Variants in SORCS1 observed in about 807,000 individuals in gnomAD.
SORCS1 encodes the protein VPS10 domain-containing receptor SorCS1.
SORCS1 carries 60 observed loss-of-function variants against 146.1 expected under a neutral mutation model. That is an observed-to-expected ratio of 0.41 (90% CI 0.33 to 0.51). SORCS1 has a LOEUF of 0.51. Ranked by LOEUF, SORCS1 falls within the 20% of genes least tolerant of loss-of-function variation. The pLI, the probability that SORCS1 is intolerant of heterozygous loss-of-function variation, is 0.21. For missense variants in SORCS1, 1,352 were observed against 1,487.6 expected, an observed-to-expected ratio of 0.91 and a Z score of 1.50; for synonymous variants, 637 against 584.0, an observed-to-expected ratio of 1.09 and a Z score of -1.31.
At chr10:106,893,633 A>G (rs976996650) in intron 2 of SORCS1, among the ~76,000 whole-genome samples, 1 of 152,234 alleles carries the variant, frequency 6.6e-6, no homozygotes, top group Non-Finnish European at 1.5e-5. Context: ...GTTGCATGCA[A>G]AAATTATTAG....
chr10:106,648,040 T>A (rs1403622260), intron 18 of SORCS1, among the ~76,000 whole-genome samples: 1 of 151,998 alleles, frequency 6.6e-6, no homozygotes, highest in African/African-American at 2.4e-5. Flanking sequence ...GCTATTTTTT[T>A]TAATTATTTT....
Position 106,604,783 on chromosome 10 carries a change from A to AT in SORCS1, c.3165+2382dup, listed in dbSNP as rs568411000. ...CAGTCTATTTAATAGGCCTAAACTC[A>AT]TTTTTTTCATTTTCCACATCTCTTC... is the stretch of plus-strand genomic sequence containing the variant. On this transcript the variant is annotated intron_variant, in intron 23 of 25. Transcript: ENST00000263054. Among the ~76,000 whole-genome samples, 13 of 151,982 alleles carry AT rather than the reference A, an allele frequency of 8.6e-5. No individual in the cohort carries two copies. In the East Asian group the frequency reaches 9.7e-4, roughly 11 times the overall value.
rs1231348280 is a variant in SORCS1, at chr10:106,986,996, T to A, written c.559-30416A>T. Among the ~76,000 whole-genome samples, 7 of 152,214 alleles carry A rather than the reference T, an allele frequency of 4.6e-5. No individual in the cohort carries two copies. The East Asian group carries it at 1.3e-3, about 29-fold the overall frequency. On this transcript the variant is annotated intron_variant, in intron 1 of 25. Transcript: ENST00000263054. ...CTTTTTTCCTTGACAATGGGTAACA[T>A]TTTCCACTTTCTCTGTATGACTAGT... is the stretch of plus-strand genomic sequence containing the variant.
chr10:106,914,464 C>A (rs781584868), intron 2 of SORCS1, among the ~76,000 whole-genome samples: 3 of 152,070 alleles, frequency 2.0e-5, no homozygotes, highest in East Asian at 1.9e-4. Flanking sequence ...ACACAATGTG[C>A]CAGGCAGTAA....
intron 19 of SORCS1, among the ~76,000 whole-genome samples, chr10:106,622,467 T>C (rs1283167432): frequency 6.6e-6 from 1 of 152,140 alleles, no homozygotes; most frequent in Non-Finnish European, 1.5e-5. Flanking sequence ...TAAGACATTA[T>C]AGATGCTCAA....
intron 19 of SORCS1, among the ~76,000 whole-genome samples, chr10:106,626,236 A>G (rs1408767002): frequency 1.3e-5 from 2 of 152,150 alleles, no homozygotes; most frequent in Admixed American, 1.3e-4. Flanking sequence ...AGGCTTGGTG[A>G]GCTAAGAGTT....
chr10:107,161,010 C>A (rs1448902450), intron 1 of SORCS1, among the ~76,000 whole-genome samples: 1 of 152,080 alleles, frequency 6.6e-6, no homozygotes, highest in African/African-American at 2.4e-5. Flanking sequence ...GCCAGAAGAT[C>A]CCCCCAGGTG....
At chr10:106,882,165 G>A (rs1950825445) in intron 2 of SORCS1, among the ~76,000 whole-genome samples, 1 of 152,102 alleles carries the variant, frequency 6.6e-6, no homozygotes, top group South Asian at 2.1e-4. Flanking sequence ...TTGGGAATAT[G>A]GTCTACCAGA....
intron 2 of SORCS1, among the ~76,000 whole-genome samples, chr10:106,843,515 T>G (rs976716965): frequency 1.8e-4 from 25 of 140,104 alleles, no homozygotes; most frequent in Admixed American, 4.8e-4. Context: ...CACTGCAAGC[T>G]CCGCCCCCCA....
chr10:106,661,728 A>G (rs1850742993), intron 17 of SORCS1, among the ~76,000 whole-genome samples: 1 of 152,248 alleles, frequency 6.6e-6, no homozygotes, highest in Non-Finnish European at 1.5e-5. Context: ...CTTACTAAAC[A>G]TAACAGTAAA....
chr10:106,620,173 C>T, intron 20 of SORCS1: 1 of 364,918 alleles, frequency 2.7e-6, no homozygotes, highest in Non-Finnish European at 4.9e-6. Context: ...AGAGTCACTA[C>T]AAAGACAAGT....
chr10:106,750,824 C>T (rs1858137557), intron 5 of SORCS1, among the ~76,000 whole-genome samples: 1 of 144,918 alleles, frequency 6.9e-6, no homozygotes, highest in Non-Finnish European at 1.5e-5. Context: ...CTTTGGGAGG[C>T]CGAGGCGGGC....
chr10:106,638,198 G>A (rs965454798), intron 18 of SORCS1, among the ~76,000 whole-genome samples: 3 of 152,164 alleles, frequency 2.0e-5, no homozygotes, highest in African/African-American at 7.2e-5. Context: ...GCTGCCAAAT[G>A]ACATAAATCT....
At chr10:106,674,152 T>A (rs1280716118) in intron 14 of SORCS1, among the ~76,000 whole-genome samples, 3 of 126,400 alleles carry the variant, frequency 2.4e-5, no homozygotes, top group Non-Finnish European at 3.3e-5. Context: ...CTGTCTCTAC[T>A]AAAAAAAAAA....
intron 24 of SORCS1, among the ~76,000 whole-genome samples, chr10:106,581,583 T>C (rs888944902): frequency 3.9e-5 from 6 of 152,068 alleles, no homozygotes; most frequent in Admixed American, 3.3e-4. Context: ...TATGGATATG[T>C]ATGTGTGCAT....
chr10:107,016,478 C>T (rs1957902492), intron 1 of SORCS1, among the ~76,000 whole-genome samples: 1 of 151,966 alleles, frequency 6.6e-6, no homozygotes, highest in African/African-American at 2.4e-5. Flanking sequence ...GCACTCCAGC[C>T]TGTGCAACAG....
intron 1 of SORCS1, among the ~76,000 whole-genome samples, chr10:107,114,844 A>G (rs1272420780): frequency 6.6e-6 from 1 of 152,112 alleles, no homozygotes; most frequent in Non-Finnish European, 1.5e-5. Flanking sequence ...AATATTATAT[A>G]CAGAAAAACT....
chr10:106,595,983 A>G (rs185790148), intron 24 of SORCS1, among the ~76,000 whole-genome samples: 2 of 152,294 alleles, frequency 1.3e-5, no homozygotes. Context: ...TTCAGACACT[A>G]TCCTAAGTGC....
At chr10:106,993,706 A>G (rs1041177575) in intron 1 of SORCS1, among the ~76,000 whole-genome samples, 2 of 152,206 alleles carry the variant, frequency 1.3e-5, no homozygotes, top group African/African-American at 4.8e-5. Context: ...TATTCTTTTA[A>G]AAGTTGAAAA....
Sources: gnomAD v4.1 joint callset for allele counts (sites outside exome capture counted in the v4.1 genomes callset) on GRCh38, gnomAD v4.1.1 for gene constraint, MANE v1.5 for transcripts, NCBI Gene and HGNC (gene_info 2026-07-23, HGNC 2026-07-21) for gene names.